The following RALGAPA2 variants were observed in gnomAD, a reference collection of about 807,000 sequenced individuals.
The protein encoded by RALGAPA2 is Ral GTPase activating protein catalytic subunit alpha 2.
A neutral mutation model predicts 230.4 loss-of-function variants in RALGAPA2; 139 were observed. The observed-to-expected ratio is 0.60, with a 90% confidence interval of 0.53 to 0.69. The LOEUF is 0.69. RALGAPA2 is among the 30% of genes least tolerant of loss of function. The probability of loss-of-function intolerance (pLI) is 0.00; values close to 1 mark genes in which losing one functional copy is unlikely to be tolerated. For missense variants in RALGAPA2, 2,163 were observed against 2,276.0 expected, an observed-to-expected ratio of 0.95 and a Z score of 1.01; for synonymous variants, 847 against 837.8, an observed-to-expected ratio of 1.01 and a Z score of -0.19.
At chr20:20,488,133 T>C (rs190773699) in intron 36 of RALGAPA2, among the ~76,000 whole-genome samples, 132 of 152,244 alleles carry the variant, frequency 8.7e-4, no homozygotes, top group Admixed American at 1.7e-3. Flanking sequence ...ACAAATACTG[T>C]ATATTTTCCA....
chr20:20,670,176 G>A (rs997599256), intron 3 of RALGAPA2, among the ~76,000 whole-genome samples: 10 of 152,326 alleles, frequency 6.6e-5, no homozygotes, highest in East Asian at 1.9e-4. Context: ...CAGCACCTAC[G>A]TGTGTCTGAC....
intron 16 of RALGAPA2, among the ~76,000 whole-genome samples, chr20:20,598,988 A>G (rs376059726): frequency 2.6e-5 from 4 of 152,342 alleles, no homozygotes; most frequent in East Asian, 1.9e-4. Flanking sequence ...GTCTCTAAAT[A>G]CAGCCAACTT....
chr20:20,536,732 T>C lies in RALGAPA2; in HGVS notation c.3338A>G (p.Asn1113Ser). 1 of 1,613,120 alleles carries C rather than the reference T, an allele frequency of 6.2e-7. No individual in the cohort carries two copies. Among genetic ancestry groups the C allele is most frequent in the Non-Finnish European group, 8.5e-7 (1 of 1,179,266 alleles). Residue 1113 changes from asparagine to serine, a missense_variant, in exon 25 of 40, where the codon AAT becomes AGT. Transcript: ENST00000202677. Reference protein sequence around the residue: ...TVLGSLVCFPNTYQEIPLLQS... With the variant: ...TVLGSLVCFPSTYQEIPLLQS... Reference sequence around the variant, plus strand: ...CAGTAAAGGAATCTCCTGGTAGGTATTTGGAAAGCAGACCAGAGAGCCGAG... The same window carrying C: ...CAGTAAAGGAATCTCCTGGTAGGTACTTGGAAAGCAGACCAGAGAGCCGAG...
chr20:20,397,175 A>G (rs766536954), intron 38 of RALGAPA2, among the ~76,000 whole-genome samples: 25 of 152,192 alleles, frequency 1.6e-4, no homozygotes, highest in Non-Finnish European at 2.8e-4. Flanking sequence ...GAAACCCCCT[A>G]GGTGGGCAAG....
chr20:20,596,455 G>C (rs946739655), intron 16 of RALGAPA2, among the ~76,000 whole-genome samples: 1 of 152,172 alleles, frequency 6.6e-6, no homozygotes, highest in Non-Finnish European at 1.5e-5. Flanking sequence ...CAGTATGTTG[G>C]TGGGGTATGC....
intron 27 of RALGAPA2, among the ~76,000 whole-genome samples, chr20:20,531,151 A>G (rs939623998): frequency 6.6e-6 from 1 of 152,230 alleles, no homozygotes; most frequent in African/African-American, 2.4e-5. Context: ...AAATTGCAAC[A>G]TCTATCTTGC....
Position 20,629,320 on chromosome 20 carries a change from AACACAC to A in RALGAPA2, c.1233+37_1233+42del, listed in dbSNP as rs11467035. ...AATCATTTCCATTTCAAGAACTTGT[AACACAC>A]ACACACACACACACACACACACACA... On this transcript the variant is annotated intron_variant, in intron 10 of 39. Coordinates refer to ENST00000202677, the MANE Select transcript of RALGAPA2 (RefSeq NM_020343.4). The A allele has an allele frequency of 5.0e-3, 5,565 of 1,107,848 alleles. 52 individuals carry two copies. The highest frequency in any genetic ancestry group is 0.045 in the African/African-American group (2,841 of 63,016). 68.6% of individuals were successfully genotyped at this position (1,107,848 alleles called of 1,614,324 possible). A position where few individuals can be genotyped will look rare whatever the true frequency, so the allele number is the denominator to read the frequency against.
chr20:20,592,065 CCT>C (rs1280704630), intron 16 of RALGAPA2, among the ~76,000 whole-genome samples: 1 of 152,122 alleles, frequency 6.6e-6, no homozygotes, highest in Non-Finnish European at 1.5e-5. Flanking sequence ...ATCACCCCAC[CCT>C]CTCTTTCTAG....
chr20:20,635,321 T>A (rs1020148064), intron 9 of RALGAPA2, 97 bp downstream of exon 9: 3 of 1,316,386 alleles, frequency 2.3e-6, no homozygotes, highest in Non-Finnish European at 3.2e-6. Flanking sequence ...CAACAACTTG[T>A]AAGAACCAAT....
intron 27 of RALGAPA2, among the ~76,000 whole-genome samples, chr20:20,529,130 A>G (rs1290652151): frequency 6.6e-6 from 1 of 152,236 alleles, no homozygotes; most frequent in Non-Finnish European, 1.5e-5. Flanking sequence ...GTCCTCAGAG[A>G]CCAGGACTTA....
At chr20:20,517,506 A>C (rs914484255) in intron 31 of RALGAPA2, among the ~76,000 whole-genome samples, 3 of 152,210 alleles carry the variant, frequency 2.0e-5, no homozygotes, top group African/African-American at 7.2e-5. Flanking sequence ...ACTGGCCTGA[A>C]GCCTGGATCA....
chr20:20,708,870 T>C (rs1288774667), intron 1 of RALGAPA2, among the ~76,000 whole-genome samples: 1 of 152,196 alleles, frequency 6.6e-6, no homozygotes, highest in Non-Finnish European at 1.5e-5. Flanking sequence ...TTAGGACTCA[T>C]AGTAAGCACT....
At chr20:20,395,244 T>C (rs545632083) in intron 39 of RALGAPA2, among the ~76,000 whole-genome samples, 3 of 152,210 alleles carry the variant, frequency 2.0e-5, no homozygotes, top group Non-Finnish European at 4.4e-5. Context: ...AGGCCTCTGG[T>C]CCCCAGCTTT....
rs372892121 is a variant in RALGAPA2 at position 20,637,316 on chromosome 20, T to G, written c.805+47A>C. On this transcript the variant is annotated intron_variant, in intron 8 of 39. Transcript: ENST00000202677. ...AAAGGTCACTTTGAAAGAGACTGCA[T>G]AGCTTTCCTTTGGATATCCTCTATA... 9.7e-6 allele frequency: 14 copies of G among 1,449,250 alleles called. No homozygotes were observed. The South Asian group carries it at 2.1e-4, about 22-fold the overall frequency. 89.8% of individuals were successfully genotyped at this position (1,449,250 alleles called of 1,614,324 possible).
chr20:20,453,663 C>A (rs1307606252), intron 37 of RALGAPA2, among the ~76,000 whole-genome samples: 2 of 152,226 alleles, frequency 1.3e-5, no homozygotes, highest in Admixed American at 1.3e-4. Context: ...CTGGGCTGCA[C>A]TCTGCATCAC....
At chr20:20,458,839 C>T (rs866713207) in intron 37 of RALGAPA2, among the ~76,000 whole-genome samples, 10 of 107,932 alleles carry the variant, frequency 9.3e-5, no homozygotes, top group Admixed American at 2.7e-4. Context: ...TATATATAGA[C>T]CTATATATAT....
At chr20:20,567,817 G>A (rs2064484557) in intron 23 of RALGAPA2, among the ~76,000 whole-genome samples, 1 of 148,116 alleles carries the variant, frequency 6.8e-6, no homozygotes, top group South Asian at 2.1e-4. Context: ...GCTCCAGCCT[G>A]GGCAATGGAG....
intron 23 of RALGAPA2, among the ~76,000 whole-genome samples, chr20:20,548,534 C>A (rs952428894): frequency 2.0e-5 from 3 of 151,354 alleles, no homozygotes; most frequent in African/African-American, 7.3e-5. Context: ...CAGAAATAAA[C>A]AGATAAATAG....
At chr20:20,588,742 TAAG>T (rs1290870201) in intron 18 of RALGAPA2, among the ~76,000 whole-genome samples, 1 of 152,240 alleles carries the variant, frequency 6.6e-6, no homozygotes, top group Non-Finnish European at 1.5e-5. Context: ...TTGAGTTTTC[TAAG>T]AATATATGCT....
Sources: allele counts gnomAD v4.1 joint callset (sites outside exome capture counted in the v4.1 genomes callset), GRCh38; gene constraint gnomAD v4.1.1; transcripts MANE v1.5; gene names NCBI Gene and HGNC (gene_info 2026-07-23, HGNC 2026-07-21).